The following KALRN variants were observed in gnomAD, a reference collection of about 807,000 sequenced individuals.
The protein encoded by KALRN is kalirin RhoGEF kinase.
KALRN carries 70 observed loss-of-function variants against 353.7 expected under a neutral mutation model. The ratio of observed to expected loss-of-function variants is 0.20; its 90% CI spans 0.16 to 0.24. KALRN has a LOEUF of 0.24. Among genes scored for constraint, KALRN ranks in the 10% least tolerant of loss-of-function variants. The pLI, the probability that KALRN is intolerant of heterozygous loss-of-function variation, is 1.00. For synonymous variants in KALRN, 1,391 were observed against 1,434.8 expected, an observed-to-expected ratio of 0.97 and a Z score of 0.69; for missense variants, 2,791 against 3,756.7, an observed-to-expected ratio of 0.74 and a Z score of 6.72.
intron 34 of KALRN, among the ~76,000 whole-genome samples, chr3:124,596,431 C>A (rs1340391196): frequency 2.6e-5 from 4 of 152,112 alleles, no homozygotes; most frequent in Non-Finnish European, 5.9e-5. Context: ...CGCGCCATTG[C>A]ACTCCATCCT....
chr3:124,103,919 G>A (rs904355022), intron 1 of KALRN, among the ~76,000 whole-genome samples: 22 of 152,206 alleles, frequency 1.4e-4, no homozygotes, highest in Admixed American at 8.5e-4. Flanking sequence ...TCACGCTACT[G>A]CACTCTAGCC....
In KALRN at chr3:124,110,463, A is replaced by ACGCGCG. The variant is rs374765325; in HGVS notation, c.73+76652_73+76657dup. Among the ~76,000 whole-genome samples the ACGCGCG allele has an allele frequency of 2.3e-4, 13 of 56,022 alleles. 1 individual carries two copies. The highest frequency in any genetic ancestry group is 8.8e-4 in the South Asian group (1 of 1,140). The allele number at this position is 56,022 out of a possible 152,430, so 36.8% of individuals were successfully genotyped here. ...ATATGTATATATTTCATATATACAC[A>ACGCGCG]CGCGCGCACACACACACACACACAC... On this transcript the variant is annotated intron_variant, in intron 1 of 59. Coordinates refer to ENST00000682506, the MANE Select transcript of KALRN (RefSeq NM_001388419.1).
At chr3:124,179,366 C>G (rs947055268) in intron 1 of KALRN, among the ~76,000 whole-genome samples, 1 of 152,152 alleles carries the variant, frequency 6.6e-6, no homozygotes, top group African/African-American at 2.4e-5. Context: ...ATATCACTGT[C>G]TTCTACCTCC....
At chr3:124,083,460 T>C (rs1487600250) in intron 1 of KALRN, among the ~76,000 whole-genome samples, 2 of 152,070 alleles carry the variant, frequency 1.3e-5, no homozygotes, top group Non-Finnish European at 2.9e-5. Flanking sequence ...GAAGAGCATA[T>C]GCAGGGATCC....
At chr3:124,538,997 T>C (rs2068767262) in intron 33 of KALRN, among the ~76,000 whole-genome samples, 1 of 152,220 alleles carries the variant, frequency 6.6e-6, no homozygotes, top group African/African-American at 2.4e-5. Flanking sequence ...CTGCCATTTC[T>C]ACCATGCTGT....
At chr3:124,515,719 A>T (rs993058123) in intron 33 of KALRN, among the ~76,000 whole-genome samples, 1 of 152,242 alleles carries the variant, frequency 6.6e-6, no homozygotes, top group Non-Finnish European at 1.5e-5. Flanking sequence ...TTCAAAAAAA[A>T]ATTTAATGGT....
At chr3:124,218,752 A>C (rs1579541428) in intron 1 of KALRN, among the ~76,000 whole-genome samples, 1 of 152,224 alleles carries the variant, frequency 6.6e-6, no homozygotes, top group Non-Finnish European at 1.5e-5. Flanking sequence ...TGTGTATTGC[A>C]GCTGAGGTCT....
At chr3:124,410,347 C>A in intron 13 of KALRN, 1 of 491,152 alleles carries the variant, frequency 2.0e-6, no homozygotes, top group Non-Finnish European at 4.2e-6. Flanking sequence ...CTCTTCCTTT[C>A]ATGCTTGTTG....
At chr3:124,614,692 C>G (rs538238937) in intron 34 of KALRN, among the ~76,000 whole-genome samples, 3 of 152,072 alleles carry the variant, frequency 2.0e-5, no homozygotes, top group Non-Finnish European at 4.4e-5. Context: ...CACTCAGCCT[C>G]CCAAGTAGCT....
At chr3:124,043,048 A>C (rs901457801) in intron 1 of KALRN, among the ~76,000 whole-genome samples, 1 of 152,312 alleles carries the variant, frequency 6.6e-6, no homozygotes, top group East Asian at 1.9e-4. Flanking sequence ...AATACTTGGG[A>C]AACACAGGTG....
chr3:124,146,722 A>G (rs1187911988), intron 1 of KALRN, among the ~76,000 whole-genome samples: 2 of 152,028 alleles, frequency 1.3e-5, no homozygotes, highest in African/African-American at 4.8e-5. Context: ...TACTAAAAAT[A>G]CAAAAATTAG....
chr3:124,584,824 G>T (rs1036798905), intron 34 of KALRN: 1 of 1,603,764 alleles, frequency 6.2e-7, no homozygotes, highest in Non-Finnish European at 8.5e-7. Flanking sequence ...GGGGCAACAT[G>T]AAGGGCGGCG....
In KALRN at chr3:124,366,843, C is replaced by A. The variant is rs1421459618; in HGVS notation, c.1771-18002C>A. Among the ~76,000 whole-genome samples, 37 of 146,102 alleles carry A rather than the reference C, an allele frequency of 2.5e-4. 1 individual carries two copies. The highest frequency in any genetic ancestry group is 2.2e-4 in the South Asian group (1 of 4,634). On this transcript the variant is annotated intron_variant, in intron 10 of 59. Coordinates refer to ENST00000682506, the MANE Select transcript of KALRN (RefSeq NM_001388419.1). ...CTGGCTGGGCGGGGGTCTGACCCCC[C>A]CACCTCCCTCCCGGACGGGGCGGCT...
At position 124,328,888 on chromosome 3, in the gene KALRN, C is replaced by T. The variant is rs117751306; in HGVS notation, c.1285-973C>T. Among the ~76,000 whole-genome samples the T allele has an allele frequency of 5.3e-5, 8 of 152,296 alleles. No individual in the cohort carries two copies. In the East Asian group the frequency reaches 1.3e-3, roughly 26 times the overall value. ...CCTTCAGGGACATTCATAAACCATG[C>T]TTCTTTTTAACTGGGGAAAAACATG... is the stretch of plus-strand genomic sequence containing the variant. On this transcript the variant is annotated intron_variant, in intron 7 of 59. Coordinates refer to ENST00000682506, the MANE Select transcript of KALRN (RefSeq NM_001388419.1).
chr3:124,042,928 C>T (rs1277228940), intron 1 of KALRN, among the ~76,000 whole-genome samples: 1 of 152,120 alleles, frequency 6.6e-6, no homozygotes, highest in East Asian at 1.9e-4. Context: ...GAAAAGCATA[C>T]ACAGAATTAA....
chr3:124,046,423 A>G (rs1410336808), intron 1 of KALRN, among the ~76,000 whole-genome samples: 2 of 152,228 alleles, frequency 1.3e-5, no homozygotes, highest in Non-Finnish European at 2.9e-5. Context: ...AGCTAACCTC[A>G]GTCATCTTAG....
intron 1 of KALRN, among the ~76,000 whole-genome samples, chr3:124,083,114 G>T (rs574276673): frequency 6.6e-6 from 1 of 152,238 alleles, no homozygotes; most frequent in Non-Finnish European, 1.5e-5. Context: ...TCCAGGTATA[G>T]TCTAGGGTGT....
intron 1 of KALRN, among the ~76,000 whole-genome samples, chr3:124,203,619 A>G (rs903768405): frequency 1.3e-5 from 2 of 152,172 alleles, no homozygotes; most frequent in African/African-American, 2.4e-5. Context: ...CCGAGTGATA[A>G]AGAAAAATAA....
chr3:124,436,657 G>A (rs935570483), intron 17 of KALRN, among the ~76,000 whole-genome samples: 1 of 132,352 alleles, frequency 7.6e-6, no homozygotes, highest in South Asian at 2.6e-4. Context: ...ATCTTCTCAT[G>A]TGATGCTAGA....
Sources: gnomAD v4.1 joint callset for allele counts (sites outside exome capture counted in the v4.1 genomes callset) on GRCh38, gnomAD v4.1.1 for gene constraint, MANE v1.5 for transcripts, NCBI Gene and HGNC (gene_info 2026-07-23, HGNC 2026-07-21) for gene names.